Variants in CCDC69 observed in about 807,000 individuals in gnomAD.
CCDC69 encodes coiled-coil domain-containing protein 69.
CCDC69 carries 38 observed loss-of-function variants against 40.3 expected under a neutral mutation model. That is an observed-to-expected ratio of 0.94 (90% CI 0.73 to 1.24). The LOEUF (loss-of-function observed/expected upper bound fraction) is 1.24, where lower values mean the gene tolerates loss of function less well. Ranked by LOEUF, CCDC69 falls within the 50% of genes most tolerant of loss-of-function variation. The probability of loss-of-function intolerance (pLI) is 0.00; values close to 1 mark genes in which losing one functional copy is unlikely to be tolerated. For missense variants in CCDC69, 389 were observed against 357.9 expected (o/e 1.09, Z -0.70); for synonymous variants, 141 against 138.9 (o/e 1.02, Z -0.11).
chr5:151,181,842 A>T lies in CCDC69; in HGVS notation c.*1595T>A, dbSNP rs1766635244. ...GTGATTCCCTCCAGGGCTTTCCTCG[A>T]GGCTCCTGGGTGACCTGTCTGACCA... On this transcript the variant is annotated 3_prime_UTR_variant, in exon 9 of 9. Transcript: ENST00000355417. 6.6e-6 allele frequency: 1 copy of T among 152,222 alleles called. No individual in the cohort carries two copies. Among genetic ancestry groups the T allele is most frequent in the South Asian group, 2.1e-4 (1 of 4,826 alleles). The allele number at this position is 152,222 out of a possible 1,614,324, so 9.4% of individuals were successfully genotyped here.
chr5:151,191,772 A>C (rs1329032094), intron 4 of CCDC69, among the ~76,000 whole-genome samples: 1 of 152,192 alleles, frequency 6.6e-6, no homozygotes, highest in African/African-American at 2.4e-5. Context: ...GTCTCAAATC[A>C]ATATTCTAAG....
At chr5:151,201,978 T>C (rs927895906) in intron 2 of CCDC69, among the ~76,000 whole-genome samples, 2 of 152,118 alleles carry the variant, frequency 1.3e-5, no homozygotes, top group African/African-American at 4.8e-5. Flanking sequence ...TCGAGTCTCT[T>C]TGGACTTGGA....
intron 1 of CCDC69, among the ~76,000 whole-genome samples, chr5:151,217,240 C>T (rs1753059253): frequency 6.6e-6 from 1 of 152,176 alleles, no homozygotes; most frequent in African/African-American, 2.4e-5. Flanking sequence ...ATTCTTGACT[C>T]CCAGTCCAGT....
At chr5:151,190,635 C>CAG (rs1241287391) in intron 4 of CCDC69, among the ~76,000 whole-genome samples, 1 of 140,198 alleles carries the variant, frequency 7.1e-6, no homozygotes, top group Non-Finnish European at 1.5e-5. Flanking sequence ...CATTGCACTC[C>CAG]AGCCTGGGTG....
At chr5:151,193,341 A>C (rs998192171) in intron 4 of CCDC69, among the ~76,000 whole-genome samples, 2 of 95,220 alleles carry the variant, frequency 2.1e-5, no homozygotes, top group African/African-American at 9.9e-5. Context: ...ACTCATTTCT[A>C]CAAAAAAAAA....
chr5:151,211,237 G>T, intron 1 of CCDC69: 1 of 152,334 alleles, frequency 6.6e-6, no homozygotes. Flanking sequence ...ACCTGCCCTG[G>T]GGCGGAGTTA....
Position 151,184,376 on chromosome 5 carries a change from A to T in CCDC69, c.681T>A (p.His227Gln). ...TTLQQENEDLHVRSRNQVVLS... is the reference protein window; with the variant it reads ...TTLQQENEDLQVRSRNQVVLS... ...GGACCACCTGGTTGCGGCTTCGGAC[A>T]TGGAGGTCCTCATTTTCCTGTTGCA... is the stretch of plus-strand genomic sequence containing the variant. The change falls in exon 8 of 9, where the codon CAT becomes CAA. Residue 227 changes from histidine to glutamine, a missense_variant. Transcript: ENST00000355417. The T allele has an allele frequency of 6.2e-7, 1 of 1,614,124 alleles. No homozygotes were observed. The highest frequency in any genetic ancestry group is 8.5e-7 in the Non-Finnish European group (1 of 1,180,002).
chr5:151,207,754 T>G (rs1752872917), intron 1 of CCDC69, among the ~76,000 whole-genome samples: 1 of 152,158 alleles, frequency 6.6e-6, no homozygotes, highest in Non-Finnish European at 1.5e-5. Flanking sequence ...CATCTCATGC[T>G]GGAGAGGTGA....
At chr5:151,190,304 C>CA in intron 4 of CCDC69, among the ~76,000 whole-genome samples, 1 of 152,190 alleles carries the variant, frequency 6.6e-6, no homozygotes, top group South Asian at 2.1e-4. Context: ...ATAAATGTAA[C>CA]AAAAATGGGA....
rs1382185230 is a variant in CCDC69, at chr5:151,200,449, G to A, written c.231+1133C>T. 2.6e-5 allele frequency among the ~76,000 whole-genome samples: 4 copies of A among 152,112 alleles called. No individual in the cohort carries two copies. In the East Asian group the frequency reaches 5.8e-4, roughly 22 times the overall value. On this transcript the variant is annotated intron_variant, in intron 3 of 8. Transcript: ENST00000355417. ...TGGCCCAGATCTATCTTAAAGCAGT[G>A]ACTTTAAATTTCAGAATTTTGAATA... is the stretch of plus-strand genomic sequence containing the variant.
intron 3 of CCDC69, 121 bp downstream of exon 3, chr5:151,201,461 T>C: frequency 1.6e-6 from 1 of 628,418 alleles, no homozygotes. Context: ...ACTCCCTTCC[T>C]GGTAAAATGA....
At chr5:151,223,567 A>C (rs2114008935) in intron 1 of CCDC69, among the ~76,000 whole-genome samples, 1 of 152,330 alleles carries the variant, frequency 6.6e-6, no homozygotes. Context: ...GAGGAAGCCG[A>C]AGGCCCAGAG....
chr5:151,199,691 C>T (rs936305698), intron 3 of CCDC69, among the ~76,000 whole-genome samples: 2 of 152,104 alleles, frequency 1.3e-5, no homozygotes, highest in Non-Finnish European at 2.9e-5. Flanking sequence ...CCACTGAGTT[C>T]CTGGGTAATG....
intron 7 of CCDC69, chr5:151,185,202 A>G: frequency 2.1e-6 from 1 of 480,198 alleles, no homozygotes; most frequent in Non-Finnish European, 3.8e-6. Flanking sequence ...CAGCAACATC[A>G]GTAGCCTCAA....
At chr5:151,210,999 C>G (rs1382819538) in intron 1 of CCDC69, 1 of 152,152 alleles carries the variant, frequency 6.6e-6, no homozygotes, top group Admixed American at 6.5e-5. Flanking sequence ...TCACTGCAAC[C>G]TTGCCAATGT....
chr5:151,187,252 A>C (rs1752533419), intron 5 of CCDC69, 134 bp downstream of exon 5: 1 of 698,424 alleles, frequency 1.4e-6, no homozygotes, highest in Admixed American at 2.4e-5. Context: ...GCCTGGATAC[A>C]CAGAAGGCAA....
intron 6 of CCDC69, 77 bp downstream of exon 6, chr5:151,185,946 G>T (rs1752502507): frequency 3.2e-6 from 3 of 941,316 alleles, no homozygotes; most frequent in Non-Finnish European, 3.5e-6. Context: ...TTGAAGAGGG[G>T]CTGGTCTTTC....
At chr5:151,187,974 T>G (rs949007844) in intron 4 of CCDC69, among the ~76,000 whole-genome samples, 2 of 152,160 alleles carry the variant, frequency 1.3e-5, no homozygotes, top group African/African-American at 4.8e-5. Flanking sequence ...ATCAGACATC[T>G]AAAAGTCCAG....
chr5:151,212,017 T>TGG (rs138520008), intron 1 of CCDC69: 24 of 26,248 alleles, frequency 9.1e-4, no homozygotes, highest in East Asian at 2.2e-3. Flanking sequence ...GTGGTGGTGG[T>TGG]GGGGGGGGGA....
Sources: gnomAD v4.1 joint callset for allele counts (sites outside exome capture counted in the v4.1 genomes callset) on GRCh38, gnomAD v4.1.1 for gene constraint, MANE v1.5 for transcripts, NCBI Gene and HGNC (gene_info 2026-07-23, HGNC 2026-07-21) for gene names.